The following QSOX2 variants were observed in gnomAD, a reference collection of about 807,000 sequenced individuals.
QSOX2 encodes quiescin sulfhydryl oxidase 2, also known as sulfhydryl oxidase 2.
Under a neutral mutation model 61.7 loss-of-function variants are expected in QSOX2, and 46 were observed. The ratio of observed to expected loss-of-function variants is 0.75; its 90% CI spans 0.59 to 0.95. QSOX2 has a LOEUF of 0.95. Ranked by LOEUF, QSOX2 falls within the 40% of genes least tolerant of loss-of-function variation. QSOX2 has a pLI of 0.00. For missense variants in QSOX2, 879 were observed against 918.9 expected, an observed-to-expected ratio of 0.96 and a Z score of 0.56; for synonymous variants, 383 against 388.4, an observed-to-expected ratio of 0.99 and a Z score of 0.16.
chr9:136,243,947 C>T (rs1188447312), intron 1 of QSOX2, among the ~76,000 whole-genome samples: 1 of 152,162 alleles, frequency 6.6e-6, no homozygotes, highest in Non-Finnish European at 1.5e-5. Context: ...CAGGAGGGGC[C>T]TTCCTTCTGA....
At chr9:136,220,551 G>T (rs1203302598) in intron 6 of QSOX2, among the ~76,000 whole-genome samples, 1 of 152,250 alleles carries the variant, frequency 6.6e-6, no homozygotes, top group African/African-American at 2.4e-5. Context: ...CTGGAAGCCT[G>T]CAGGTGCTGC....
chr9:136,224,390 C>T (rs745697133), intron 3 of QSOX2, among the ~76,000 whole-genome samples: 3 of 152,180 alleles, frequency 2.0e-5, no homozygotes, highest in Non-Finnish European at 2.9e-5. Context: ...CACGGCACTG[C>T]GAGGAGCAGG....
intron 11 of QSOX2, chr9:136,210,158 G>A (rs1831828157): frequency 8.1e-6 from 8 of 985,492 alleles, no homozygotes; most frequent in Non-Finnish European, 9.6e-6. Flanking sequence ...CAGACCAGTG[G>A]CACCTTGGTC....
rs746190160 is a variant in QSOX2 at position 136,221,946 on chromosome 9, G to A, written c.676-5C>T. ...CGGGATCAGGTCTAAGATCACCTGG[G>A]GGATGAGAACACAATGACACTTCCA... On this transcript the variant is annotated splice_region_variant and splice_polypyrimidine_tract_variant and intron_variant, in intron 5 of 11. Transcript: ENST00000358701. This position sits in a 1 kb window ranked among gnomAD's most constrained non-coding sequence, Gnocchi z 4.5. 6.3e-7 allele frequency: 1 copy of A among 1,582,594 alleles called. No individual in the cohort carries two copies. The highest frequency in any genetic ancestry group is 1.2e-5 in the South Asian group (1 of 86,466).
At chr9:136,213,440 TCAGG>T (rs1831872448) in intron 10 of QSOX2, among the ~76,000 whole-genome samples, 1 of 151,992 alleles carries the variant, frequency 6.6e-6, no homozygotes, top group South Asian at 2.1e-4. Flanking sequence ...GGGCATTAGA[TCAGG>T]CAGTGTGGAT....
chr9:136,237,475 TGGAGCCCGTCCTGTGCCGGC>T (rs1830396255), intron 1 of QSOX2, among the ~76,000 whole-genome samples: 8 of 108,984 alleles, frequency 7.3e-5, no homozygotes, highest in African/African-American at 2.2e-4. Context: ...CGGCGACACC[TGGAGCCCGTCCTGTGCCGGC>T]GACACCTGGA....
Position 136,209,962 on chromosome 9 carries a change from C to T in QSOX2, c.1550-687G>A, listed in dbSNP as rs897383024. 4.1e-6 allele frequency: 4 copies of T among 985,320 alleles called. No homozygotes were observed. The highest frequency in any genetic ancestry group is 3.5e-5 in the African/African-American group (2 of 57,254). The allele number at this position is 985,320 out of a possible 1,614,324, so 61.0% of individuals were successfully genotyped here. ...CCTAGCTCTCGGAGCCCCTGCGACC[C>T]GACTTGCTGACACCTGGCCACCCTC... On this transcript the variant is annotated intron_variant, in intron 11 of 11. Transcript: ENST00000358701. This position sits in a 1 kb window ranked among gnomAD's most constrained non-coding sequence, Gnocchi z 5.6.
At chr9:136,238,512 C>G (rs73670204) in intron 1 of QSOX2, among the ~76,000 whole-genome samples, 1 of 152,194 alleles carries the variant, frequency 6.6e-6, no homozygotes, top group African/African-American at 2.4e-5. Context: ...AAAGACAACG[C>G]TCCCCGGGCC....
Position 136,221,945 on chromosome 9 carries a change from G to T in QSOX2, c.676-4C>A, listed in dbSNP as rs1348165978. 6.3e-7 allele frequency: 1 copy of T among 1,583,260 alleles called. No homozygotes were observed. Among genetic ancestry groups the T allele is most frequent in the East Asian group, 2.3e-5 (1 of 43,834 alleles). ...ACGGGATCAGGTCTAAGATCACCTG[G>T]GGGATGAGAACACAATGACACTTCC... On this transcript the variant is annotated splice_region_variant and splice_polypyrimidine_tract_variant and intron_variant, in intron 5 of 11. Transcript: ENST00000358701. This position sits in a 1 kb window ranked among gnomAD's most constrained non-coding sequence, Gnocchi z 4.5.
At chr9:136,243,838 T>G (rs1830450525) in intron 1 of QSOX2, among the ~76,000 whole-genome samples, 1 of 152,228 alleles carries the variant, frequency 6.6e-6, no homozygotes, top group Non-Finnish European at 1.5e-5. Flanking sequence ...ACAAGCCTGT[T>G]CTTCCTGTCG....
intron 7 of QSOX2, 55 bp from the exon 8 acceptor site, chr9:136,218,863 G>A: frequency 1.9e-6 from 3 of 1,598,096 alleles, no homozygotes; most frequent in Admixed American, 1.7e-5. Flanking sequence ...TCCACAGCAA[G>A]TCTCCCTGTC....
intron 2 of QSOX2, among the ~76,000 whole-genome samples, chr9:136,226,544 G>A (rs1210306173): frequency 2.6e-5 from 4 of 151,930 alleles, no homozygotes; most frequent in Admixed American, 6.6e-5. Context: ...CTGTGTGAGC[G>A]TGGACAGTCC....
Position 136,216,623 on chromosome 9 carries a change from C to A in QSOX2, c.1186G>T (p.Asp396Tyr). ...ACCCGCATCTTGTTGTTGACCAGGT[C>A]AAGCACGGCGTTGTAGGGGATCCTG... is the stretch of plus-strand genomic sequence containing the variant. ...LDRIPYNAVL[D>Y]LVNNKMRISG... Residue 396 changes from aspartate to tyrosine, a missense_variant, in exon 9 of 12, where the codon GAC becomes TAC. Physicochemically the swap from Asp to Tyr is radical, Grantham distance 160 (BLOSUM62 -3). Coordinates refer to ENST00000358701, the MANE Select transcript of QSOX2 (RefSeq NM_181701.4). 1 of 1,613,938 alleles carries A rather than the reference C, an allele frequency of 6.2e-7. No individual in the cohort carries two copies. The highest frequency in any genetic ancestry group is 1.1e-5 in the South Asian group (1 of 91,070).
Position 136,221,309 on chromosome 9 carries a change from G to T in QSOX2, c.821+487C>A, listed in dbSNP as rs1189010709. Among the ~76,000 whole-genome samples, 2 of 152,228 alleles carry T rather than the reference G, an allele frequency of 1.3e-5. No individual in the cohort carries two copies. Among genetic ancestry groups the T allele is most frequent in the Non-Finnish European group, 2.9e-5 (2 of 68,038 alleles). ...CACGCAGAGGCAAAGGGCTTGCCAA[G>T]GTTCTGCAGTTCTTAGAGAAAGAGC... On this transcript the variant is annotated intron_variant, in intron 6 of 11. Transcript: ENST00000358701. The surrounding 1 kb of genome is among the most constrained non-coding windows in gnomAD (Gnocchi z 4.5).
Position 136,245,769 on chromosome 9 carries a change from G to C in QSOX2, c.35C>G (p.Pro12Arg), listed in dbSNP as rs1310618195. The change falls in exon 1 of 12, where the codon CCG becomes CGG. Residue 12 changes from proline (P) to arginine (R), a missense_variant. Pro to Arg is a moderately radical substitution (Grantham distance 103). Coordinates refer to ENST00000358701, the MANE Select transcript of QSOX2 (RefSeq NM_181701.4). ...AAAGAAVARSPGIGAGPALRA... is the reference protein window; with the variant it reads ...AAAGAAVARSRGIGAGPALRA... The stretch of plus-strand genomic sequence containing the variant: ...CAGCGCAGGTCCCGCTCCGATTCCC[G>C]GGCTGCGCGCCACCGCCGCCCCGGC... The C allele has an allele frequency of 8.7e-7, 1 of 1,153,992 alleles. No individual in the cohort carries two copies. Among genetic ancestry groups the C allele is most frequent in the Non-Finnish European group, 1.1e-6 (1 of 935,612 alleles). 71.5% of individuals were successfully genotyped at this position (1,153,992 alleles called of 1,614,324 possible). A position where few individuals can be genotyped will look rare whatever the true frequency, so the allele number is the denominator to read the frequency against.
At chr9:136,242,759 T>C (rs555624497) in intron 1 of QSOX2, among the ~76,000 whole-genome samples, 1 of 152,256 alleles carries the variant, frequency 6.6e-6, no homozygotes, top group Non-Finnish European at 1.5e-5. Flanking sequence ...TAAGTGGCCC[T>C]ACTTTGAGAG....
intron 1 of QSOX2, among the ~76,000 whole-genome samples, chr9:136,242,750 A>G (rs1013590303): frequency 3.9e-5 from 6 of 152,252 alleles, no homozygotes; most frequent in African/African-American, 1.4e-4. Flanking sequence ...ACAAGGCCCT[A>G]AGTGGCCCTA....
At chr9:136,235,071 A>G (rs1169952821) in intron 1 of QSOX2, among the ~76,000 whole-genome samples, 1 of 152,246 alleles carries the variant, frequency 6.6e-6, no homozygotes, top group Non-Finnish European at 1.5e-5. Context: ...GTGGAGACCC[A>G]GCCAGGCAGC....
chr9:136,216,072 G>A (rs562510945), intron 9 of QSOX2, among the ~76,000 whole-genome samples: 3 of 152,336 alleles, frequency 2.0e-5, no homozygotes, highest in South Asian at 2.1e-4. Context: ...CTGACCACGC[G>A]GGCGTCGGAC....
Sources: allele counts gnomAD v4.1 joint callset (sites outside exome capture counted in the v4.1 genomes callset), GRCh38; gene constraint gnomAD v4.1.1; non-coding constraint Gnocchi (gnomAD v3.1); transcripts MANE v1.5; gene names NCBI Gene and HGNC (gene_info 2026-07-23, HGNC 2026-07-21).